SLC6A5: variants seen among roughly 807,000 people sequenced by gnomAD.
The protein encoded by SLC6A5 is sodium- and chloride-dependent glycine transporter 2.
Under a neutral mutation model 90.5 loss-of-function variants are expected in SLC6A5, and 58 were observed. The ratio of observed to expected loss-of-function variants is 0.64; its 90% CI spans 0.52 to 0.80. SLC6A5 has a LOEUF of 0.80. Ranked by LOEUF, SLC6A5 falls within the 30% of genes least tolerant of loss-of-function variation. SLC6A5 has a pLI of 0.00. For missense variants in SLC6A5, 1,015 were observed against 1,017.6 expected (o/e 1.00, Z 0.03); for synonymous variants, 427 against 401.4 (o/e 1.06, Z -0.76).
At chr11:20,642,115 T>A (rs190204010) in intron 13 of SLC6A5, among the ~76,000 whole-genome samples, 56 of 151,170 alleles carry the variant, frequency 3.7e-4, no homozygotes, top group Non-Finnish European at 7.2e-4. Flanking sequence ...TAAATGAAAA[T>A]ATAGAGTCAC....
intron 13 of SLC6A5, among the ~76,000 whole-genome samples, chr11:20,644,896 C>T (rs2133817247): frequency 6.6e-6 from 1 of 152,108 alleles, no homozygotes; most frequent in Non-Finnish European, 1.5e-5. Context: ...ACTGCAACCT[C>T]TGCCTCCCGG....
At chr11:20,648,241 C>A (rs1054149094) in intron 14 of SLC6A5, among the ~76,000 whole-genome samples, 9 of 152,164 alleles carry the variant, frequency 5.9e-5, no homozygotes, top group African/African-American at 2.2e-4. Context: ...TAAAGGCAAC[C>A]AAGACAGGAT....
rs764135963 is a variant in SLC6A5 at position 20,638,527 on chromosome 11, T to G, written c.1938T>G (p.Ile646Met). The G allele has an allele frequency of 3.7e-6, 6 of 1,612,738 alleles. No individual in the cohort carries two copies. The highest frequency in any genetic ancestry group is 5.1e-6 in the Non-Finnish European group (6 of 1,178,762). Residue 646 changes from isoleucine to methionine, a missense_variant, in exon 13 of 16, where the codon ATT becomes ATG. Transcript: ENST00000525748. The part of the protein sequence containing the change: ...AASYALVIIA[I>M]FELVGISYVY... Reference sequence around the variant, plus strand: ...CCTATGCCCTTGTCATCATTGCCATTTTTGAGCTCGTGGGGATCTCTTATG... The same window carrying G: ...CCTATGCCCTTGTCATCATTGCCATGTTTGAGCTCGTGGGGATCTCTTATG...
Position 20,615,363 on chromosome 11 carries a change from T to TTTTCTTTC in SLC6A5, c.1127+543_1127+544insTTTCTTTC, listed in dbSNP as rs1486912228. Among the ~76,000 whole-genome samples, 8 of 152,286 alleles carry TTTTCTTTC rather than the reference T, an allele frequency of 5.3e-5. No individual in the cohort carries two copies. In the South Asian group the frequency reaches 1.5e-3, roughly 28 times the overall value. On this transcript the variant is annotated intron_variant, in intron 6 of 15. Transcript: ENST00000525748. ...AGTTCATAAAATTATTTTTTTCTTT[T>TTTTCTTTC]CTTTCTTTCCTTTTTTTTCTTTTGA...
intron 14 of SLC6A5, among the ~76,000 whole-genome samples, chr11:20,650,686 A>G (rs1305417788): frequency 3.6e-5 from 3 of 82,290 alleles, no homozygotes; most frequent in African/African-American, 1.1e-4. Context: ...TTTTTTTTTG[A>G]GATGGAGTCT....
At chr11:20,612,487 G>T (rs1427368199) in intron 5 of SLC6A5, among the ~76,000 whole-genome samples, 2 of 152,134 alleles carry the variant, frequency 1.3e-5, no homozygotes, top group African/African-American at 4.8e-5. Flanking sequence ...TAAAATGGGA[G>T]TCCATGCACC....
intron 6 of SLC6A5, among the ~76,000 whole-genome samples, chr11:20,616,589 T>C (rs1170073875): frequency 6.6e-6 from 1 of 152,188 alleles, no homozygotes; most frequent in Non-Finnish European, 1.5e-5. Flanking sequence ...ATTTTGGGCA[T>C]GGGACATGGG....
chr11:20,606,528 G>T (rs912881630), intron 3 of SLC6A5, among the ~76,000 whole-genome samples: 4 of 152,144 alleles, frequency 2.6e-5, no homozygotes, highest in Admixed American at 6.5e-5. Flanking sequence ...CCCAACCCTG[G>T]TTGGCAGAAG....
chr11:20,637,203 T>C lies in SLC6A5; in HGVS notation c.1769T>C (p.Ile590Thr). The change falls in exon 12 of 16, where the codon ATC (isoleucine) becomes ACC (threonine). Residue 590 changes from isoleucine to threonine, a missense_variant. Ile to Thr is a moderately conservative substitution (Grantham distance 89, BLOSUM62 -1). Around this residue, in one of 3 missense-constraint regions of SLC6A5, gnomAD observed 442 missense variants for 494.3 expected, o/e 0.89. Coordinates refer to ENST00000525748, the MANE Select transcript of SLC6A5 (RefSeq NM_004211.5). ...ACCATCGAGACCATAGTGACCTCCA[T>C]CTCAGACGAGTTTCCCAAGTACCTA... is the stretch of plus-strand genomic sequence containing the variant. ...FATIETIVTS[I>T]SDEFPKYLRT... 1 of 1,613,918 alleles carries C rather than the reference T, an allele frequency of 6.2e-7. No individual in the cohort carries two copies. Among genetic ancestry groups the C allele is most frequent in the Non-Finnish European group, 8.5e-7 (1 of 1,179,926 alleles).
rs1047699961 is a variant in SLC6A5, at chr11:20,637,371, T to C, written c.1869+68T>C. 2.1e-6 allele frequency: 3 copies of C among 1,412,932 alleles called. No homozygotes were observed. The African/African-American group carries it at 4.2e-5, about 20-fold the overall frequency. The allele number at this position is 1,412,932 out of a possible 1,614,324, so 87.5% of individuals were successfully genotyped here. A position where few individuals can be genotyped will look rare whatever the true frequency, so the allele number is the denominator to read the frequency against. ...GGTGGGGGGCCAATAGCTATCTGTC[T>C]TTCAACCCTTAGCTCTCAGACCTTA... On this transcript the variant is annotated intron_variant, in intron 12 of 15. Transcript: ENST00000525748.
rs1282072656 is a variant in SLC6A5 at position 20,656,323 on chromosome 11, C to T, written c.*1455C>T. ...TAGTGTAGTCTGGGGATTTTATTTT[C>T]CCTTACAGTAATAATATCTAAACCT... On this transcript the variant is annotated 3_prime_UTR_variant, in exon 16 of 16. Transcript: ENST00000525748. The T allele has an allele frequency of 6.6e-6, 1 of 152,038 alleles. No homozygotes were observed. The highest frequency in any genetic ancestry group is 6.6e-5 in the Admixed American group (1 of 15,266). The allele number at this position is 152,038 out of a possible 1,614,324, so 9.4% of individuals were successfully genotyped here.
rs3740870 is a variant in SLC6A5 at position 20,626,818 on chromosome 11, G to C, written c.1371G>C (p.Lys457Asn). 0.15 allele frequency: 242,432 copies of C among 1,610,132 alleles called. 19,864 individuals carry two copies. Among genetic ancestry groups the C allele is most frequent in the Non-Finnish European group, 0.16 (193,969 of 1,176,300 alleles). ...GAGIWYFITP[K>N]WEKLTDATVW... is the part of the protein sequence containing the mutation. Reference sequence around the variant, plus strand: ...GGATCTGGTACTTCATCACACCCAAGTGGGAGAAACTCACGGATGCCACGG... The same window carrying C: ...GGATCTGGTACTTCATCACACCCAACTGGGAGAAACTCACGGATGCCACGG... Residue 457 changes from lysine to asparagine, a missense_variant, in exon 8 of 16, where the codon AAG becomes AAC. Physicochemically the swap from Lys to Asn is moderately conservative, Grantham distance 94 (BLOSUM62 0). Coordinates refer to ENST00000525748, the MANE Select transcript of SLC6A5 (RefSeq NM_004211.5).
chr11:20,626,406 C>G lies in SLC6A5; in HGVS notation c.1261-302C>G, dbSNP rs11025663. Among the ~76,000 whole-genome samples the G allele has an allele frequency of 1.8e-3, 281 of 152,024 alleles. 2 individuals carry two copies. Among genetic ancestry groups the G allele is most frequent in the African/African-American group, 6.6e-3 (272 of 41,462 alleles). On this transcript the variant is annotated intron_variant, in intron 7 of 15. Transcript: ENST00000525748. ...CCCCCTCCCTCCTTCTCTCTGTGGT[C>G]CCCTAAGGAGTTGTGTACTCATCAG...
At chr11:20,611,888 C>T (rs913723288) in intron 5 of SLC6A5, among the ~76,000 whole-genome samples, 1 of 151,938 alleles carries the variant, frequency 6.6e-6, no homozygotes, top group Non-Finnish European at 1.5e-5. Context: ...CTGTCCCTTG[C>T]AGGGGTATTG....
At chr11:20,626,254 A>T (rs1018663498) in intron 7 of SLC6A5, among the ~76,000 whole-genome samples, 1 of 152,220 alleles carries the variant, frequency 6.6e-6, no homozygotes. Flanking sequence ...TTCTAATATC[A>T]TGTTCTTCTG....
chr11:20,648,162 A>T (rs998227044), intron 14 of SLC6A5, among the ~76,000 whole-genome samples: 2 of 152,166 alleles, frequency 1.3e-5, no homozygotes, highest in South Asian at 2.1e-4. Flanking sequence ...TTCCCACAGA[A>T]TCCAGTAGGT....
At position 20,608,948 on chromosome 11, in the gene SLC6A5, CTCTCTCTCTCTG is replaced by C. The variant is rs1454849350; in HGVS notation, c.985+1298_985+1309del. Reference sequence around the variant, plus strand: ...TCTCTCTCTCTCTCTCTCTCTCTCTCTCTCTCTCTCTGTGTGTGTGTGTGTGTGTGTGTGTGT... The same window carrying C: ...TCTCTCTCTCTCTCTCTCTCTCTCTCTGTGTGTGTGTGTGTGTGTGTGTGT... On this transcript the variant is annotated intron_variant, in intron 5 of 15. Transcript: ENST00000525748. Among the ~76,000 whole-genome samples the C allele has an allele frequency of 2.3e-4, 17 of 74,406 alleles. No individual in the cohort carries two copies. In the East Asian group the frequency reaches 2.4e-3, roughly 10 times the overall value. The allele number at this position is 74,406 out of a possible 152,430, so 48.8% of individuals were successfully genotyped here. A position where few individuals can be genotyped will look rare whatever the true frequency, so the allele number is the denominator to read the frequency against.
At chr11:20,638,671 AT>A (rs1243982656) in intron 13 of SLC6A5, 113 bp downstream of exon 13, 2 of 759,772 alleles carry the variant, frequency 2.6e-6, no homozygotes, top group Non-Finnish European at 4.8e-6. Flanking sequence ...AATTGCAACT[AT>A]TTAGGAAACC....
Position 20,601,345 on chromosome 11 carries a change from C to T in SLC6A5, c.220C>T (p.Arg74Trp), listed in dbSNP as rs750746291. 1.9e-6 allele frequency: 3 copies of T among 1,598,634 alleles called. No individual in the cohort carries two copies. The highest frequency in any genetic ancestry group is 2.2e-5 in the South Asian group (2 of 89,388). Residue 74 changes from arginine (R) to tryptophan (W), a missense_variant, in exon 2 of 16, where the codon CGG becomes TGG. Arg to Trp is a moderately radical substitution (Grantham distance 101, BLOSUM62 -3). Coordinates refer to ENST00000525748, the MANE Select transcript of SLC6A5 (RefSeq NM_004211.5). Reference sequence around the variant, plus strand: ...GGACGCGCGAGCCTGCGAGGCTGAGCGGCCAGGAGTGGGGTCTTGCAAACT... The same window carrying T: ...GGACGCGCGAGCCTGCGAGGCTGAGTGGCCAGGAGTGGGGTCTTGCAAACT... ...SADARACEAE[R>W]PGVGSCKLSS...
Sources: allele counts gnomAD v4.1 joint callset (sites outside exome capture counted in the v4.1 genomes callset), GRCh38; gene constraint gnomAD v4.1.1; regional missense constraint gnomAD v4.1.1; transcripts MANE v1.5; gene names NCBI Gene and HGNC (gene_info 2026-07-23, HGNC 2026-07-21).